Variants in NT5DC1 observed in about 807,000 individuals in gnomAD.
The protein encoded by NT5DC1 is 5'-nucleotidase domain containing 1, also known as 5'-nucleotidase domain-containing protein 1.
A neutral mutation model predicts 59.4 loss-of-function variants in NT5DC1; 42 were observed. The ratio of observed to expected loss-of-function variants is 0.71; its 90% CI spans 0.55 to 0.92. The LOEUF (loss-of-function observed/expected upper bound fraction) is 0.92, where lower values mean the gene tolerates loss of function less well. NT5DC1 is among the 40% of genes least tolerant of loss of function. NT5DC1 has a pLI of 0.00. For synonymous variants in NT5DC1, 172 were observed against 188.1 expected, an observed-to-expected ratio of 0.91 and a Z score of 0.70; for missense variants, 501 against 537.1, an observed-to-expected ratio of 0.93 and a Z score of 0.66.
chr6:116,118,328 C>G (rs1368536433), intron 6 of NT5DC1, among the ~76,000 whole-genome samples: 1 of 152,120 alleles, frequency 6.6e-6, no homozygotes, highest in African/African-American at 2.4e-5. Flanking sequence ...AAATTTTGTT[C>G]TTGTTGCTTA....
rs181562533 is a variant in NT5DC1, at chr6:116,131,355, T to G, written c.529+13410T>G. On this transcript the variant is annotated intron_variant, in intron 6 of 11. Transcript: ENST00000319550. ...TCACCTTCCTTCTGTATGTAACTATTTTTAAAACATTGTTTTGATTTATCC... is the reference window on the plus strand; with the variant it reads ...TCACCTTCCTTCTGTATGTAACTATGTTTAAAACATTGTTTTGATTTATCC... Among the ~76,000 whole-genome samples, 269 of 152,344 alleles carry G rather than the reference T, an allele frequency of 1.8e-3. 1 individual carries two copies. The highest frequency in any genetic ancestry group is 5.6e-3 in the African/African-American group (232 of 41,584).
At chr6:116,186,279 C>G (rs1010282577) in intron 6 of NT5DC1, among the ~76,000 whole-genome samples, 1 of 151,350 alleles carries the variant, frequency 6.6e-6, no homozygotes, top group African/African-American at 2.4e-5. Context: ...TTACCTGATG[C>G]TTTTGTCTCA....
intron 6 of NT5DC1, among the ~76,000 whole-genome samples, chr6:116,172,224 TATA>T (rs1325354396): frequency 6.6e-6 from 1 of 152,080 alleles, no homozygotes; most frequent in East Asian, 1.9e-4. Context: ...TTACATAGTA[TATA>T]ATAAGTGGTT....
At chr6:116,195,755 A>G (rs1006050213) in intron 6 of NT5DC1, among the ~76,000 whole-genome samples, 1 of 152,064 alleles carries the variant, frequency 6.6e-6, no homozygotes, top group African/African-American at 2.4e-5. Context: ...ATTTAGATCA[A>G]CAATAGCAAC....
intron 8 of NT5DC1, among the ~76,000 whole-genome samples, chr6:116,236,320 A>G (rs552347673): frequency 6.6e-6 from 1 of 152,338 alleles, no homozygotes; most frequent in African/African-American, 2.4e-5. Flanking sequence ...CTCACGTACA[A>G]GTAATAGAAT....
intron 6 of NT5DC1, among the ~76,000 whole-genome samples, chr6:116,215,967 C>G (rs1017689300): frequency 2.0e-5 from 3 of 152,094 alleles, no homozygotes; most frequent in Non-Finnish European, 4.4e-5. Flanking sequence ...CTCATTTAAA[C>G]TGTTCGAATA....
At chr6:116,155,973 G>A (rs1780183207) in intron 6 of NT5DC1, among the ~76,000 whole-genome samples, 1 of 152,068 alleles carries the variant, frequency 6.6e-6, no homozygotes, top group African/African-American at 2.4e-5. Flanking sequence ...TTGGGAATGG[G>A]CTAGAAAAAA....
chr6:116,241,958 A>C (rs1439641904), intron 11 of NT5DC1, among the ~76,000 whole-genome samples: 1 of 145,440 alleles, frequency 6.9e-6, no homozygotes, highest in Non-Finnish European at 1.5e-5. Flanking sequence ...AAAAAAAAAA[A>C]ACAAAGAATC....
At chr6:116,243,774 C>A (rs1299577023) in intron 11 of NT5DC1, 135 bp from the exon 12 acceptor site, 2 of 522,114 alleles carry the variant, frequency 3.8e-6, no homozygotes, top group Non-Finnish European at 6.8e-6. Context: ...ACACACAGAC[C>A]TACTGAAGGA....
rs1244887581 is a variant in NT5DC1 at position 116,134,406 on chromosome 6, T to C, written c.529+16461T>C. Reference sequence around the variant, plus strand: ...ATCATGAAATGGTGTTTTCTCATACTTTATACTCTTTCCTGAACGTAATTC... The same window carrying C: ...ATCATGAAATGGTGTTTTCTCATACCTTATACTCTTTCCTGAACGTAATTC... On this transcript the variant is annotated intron_variant, in intron 6 of 11. Coordinates refer to ENST00000319550, the MANE Select transcript of NT5DC1 (RefSeq NM_152729.3). Among the ~76,000 whole-genome samples the C allele has an allele frequency of 2.0e-5, 3 of 152,360 alleles. No individual in the cohort carries two copies. In the South Asian group the frequency reaches 6.2e-4, roughly 32 times the overall value.
At chr6:116,180,766 A>G (rs543554568) in intron 6 of NT5DC1, among the ~76,000 whole-genome samples, 43 of 152,154 alleles carry the variant, frequency 2.8e-4, no homozygotes, top group African/African-American at 1.0e-3. Context: ...AAATGACCCA[A>G]TTTCATCAGT....
At chr6:116,182,120 T>C (rs528217745) in intron 6 of NT5DC1, among the ~76,000 whole-genome samples, 4 of 152,192 alleles carry the variant, frequency 2.6e-5, no homozygotes, top group African/African-American at 7.2e-5. Context: ...AACATTGGTT[T>C]TCCATTCCTG....
chr6:116,152,950 T>C (rs1780085976), intron 6 of NT5DC1, among the ~76,000 whole-genome samples: 1 of 152,156 alleles, frequency 6.6e-6, no homozygotes, highest in Non-Finnish European at 1.5e-5. Flanking sequence ...CATACTGCTG[T>C]CTTATTTTTA....
chr6:116,247,035 CAAT>C lies in NT5DC1; in HGVS notation c.*3012_*3014del, dbSNP rs1771862004. On this transcript the variant is annotated 3_prime_UTR_variant, in exon 12 of 12. Transcript: ENST00000319550. ...AATTGAAATTCAGAGAGATTAAATA[CAAT>C]GCTTGCTCTGTGTTACACTGTTAGT... 1 of 152,098 alleles carries C rather than the reference CAAT, an allele frequency of 6.6e-6. No individual in the cohort carries two copies. The highest frequency in any genetic ancestry group is 1.5e-5 in the Non-Finnish European group (1 of 67,996). The allele number at this position is 152,098 out of a possible 1,614,324, so 9.4% of individuals were successfully genotyped here. A position where few individuals can be genotyped will look rare whatever the true frequency, so the allele number is the denominator to read the frequency against.
At position 116,239,011 on chromosome 6, in the gene NT5DC1, T is replaced by G. The variant is rs1415061689; in HGVS notation, c.1140T>G (p.Ile380Met). ...CTAAAAAATGGGGCTCTTTTTTTAT[T>G]GATTCAGTTTTGGGACTGGAAAATA... ...TSSKKWGSFFIDSVLGLENTE... is the reference protein window; with the variant it reads ...TSSKKWGSFFMDSVLGLENTE... Residue 380 changes from isoleucine (I) to methionine (M), a missense_variant, in exon 11 of 12, where the codon ATT (isoleucine) becomes ATG (methionine). Coordinates refer to ENST00000319550, the MANE Select transcript of NT5DC1 (RefSeq NM_152729.3). 1.2e-6 allele frequency: 2 copies of G among 1,609,630 alleles called. No individual in the cohort carries two copies. Among genetic ancestry groups the G allele is most frequent in the South Asian group, 2.2e-5 (2 of 90,962 alleles).
chr6:116,148,000 G>A (rs187295183), intron 6 of NT5DC1, among the ~76,000 whole-genome samples: 2 of 148,682 alleles, frequency 1.3e-5, no homozygotes, highest in African/African-American at 5.0e-5. Flanking sequence ...AAAAAAAGGT[G>A]GGGGGGGTTG....
rs71554843 is a variant in NT5DC1 at position 116,172,317 on chromosome 6, C to CTTT, written c.530-48717_530-48715dup. On this transcript the variant is annotated intron_variant, in intron 6 of 11. Coordinates refer to ENST00000319550, the MANE Select transcript of NT5DC1 (RefSeq NM_152729.3). ...TCATTTTAGTATAACCCCTTAGTAA[C>CTTT]TTTTTTTTTTTTTTTTTTTTTTGAG... 2.4e-3 allele frequency among the ~76,000 whole-genome samples: 263 copies of CTTT among 107,982 alleles called. 1 individual carries two copies. The highest frequency in any genetic ancestry group is 5.6e-3 in the Middle Eastern group (1 of 180). 70.8% of individuals were successfully genotyped at this position (107,982 alleles called of 152,430 possible).
At position 116,247,962 on chromosome 6, in the gene NT5DC1, A is replaced by C. The variant is rs961943351; in HGVS notation, c.*3938A>C. The C allele has an allele frequency of 5.9e-5, 9 of 152,230 alleles. No homozygotes were observed. The highest frequency in any genetic ancestry group is 1.3e-4 in the Admixed American group (2 of 15,284). The allele number at this position is 152,230 out of a possible 1,614,324, so 9.4% of individuals were successfully genotyped here. ...TGATAATTTCATTCATGTGCAGCAA[A>C]CATCAAGGTTACATAAGTAAATTCA... On this transcript the variant is annotated 3_prime_UTR_variant, in exon 12 of 12. Transcript: ENST00000319550.
rs76550872 is a variant in NT5DC1 at position 116,237,408 on chromosome 6, G to T, written c.921+324G>T. 2.1e-3 allele frequency: 1,017 copies of T among 486,134 alleles called. 8 individuals carry two copies. Among genetic ancestry groups the T allele is most frequent in the African/African-American group, 0.017 (892 of 51,460 alleles). 30.1% of individuals were successfully genotyped at this position (486,134 alleles called of 1,614,324 possible). A position where few individuals can be genotyped will look rare whatever the true frequency, so the allele number is the denominator to read the frequency against. On this transcript the variant is annotated intron_variant, in intron 9 of 11. Transcript: ENST00000319550. ...TTGTTTTTGACAGAATGATCACATT[G>T]TTGATGTTGGACATTGGTGCATTTC...
Sources: allele counts gnomAD v4.1 joint callset (sites outside exome capture counted in the v4.1 genomes callset), GRCh38; gene constraint gnomAD v4.1.1; transcripts MANE v1.5; gene names NCBI Gene and HGNC (gene_info 2026-07-23, HGNC 2026-07-21).